The following PYGL variants were observed in gnomAD, a reference collection of about 807,000 sequenced individuals.
PYGL encodes glycogen phosphorylase, liver form.
Under a neutral mutation model 100.1 loss-of-function variants are expected in PYGL, and 90 were observed. That is an observed-to-expected ratio of 0.90 (90% CI 0.76 to 1.07). PYGL has a LOEUF of 1.07. Ranked by LOEUF, PYGL falls within the 50% of genes least tolerant of loss-of-function variation. PYGL has a pLI of 0.00. For synonymous variants in PYGL, 373 were observed against 393.0 expected (o/e 0.95, Z 0.60); for missense variants, 1,016 against 1,057.6 (o/e 0.96, Z 0.55).
intron 5 of PYGL, among the ~76,000 whole-genome samples, chr14:50,922,638 T>A (rs1342942648): frequency 6.6e-6 from 1 of 152,184 alleles, no homozygotes; most frequent in Non-Finnish European, 1.5e-5. Context: ...CTGCGCTCTC[T>A]GGGACACTCC....
At chr14:50,913,190 C>A in intron 12 of PYGL, 60 bp from the exon 13 acceptor site, 1 of 1,340,486 alleles carries the variant, frequency 7.5e-7, no homozygotes, top group Non-Finnish European at 1.1e-6. Context: ...TCCAAATGGG[C>A]AGTTTCTGTC....
chr14:50,934,276 A>G (rs370846545), intron 3 of PYGL, among the ~76,000 whole-genome samples: 1 of 152,232 alleles, frequency 6.6e-6, no homozygotes, highest in East Asian at 1.9e-4. Context: ...TCAATCAAGC[A>G]GTCAAGTGCA....
chr14:50,926,947 T>G (rs1387967411), intron 4 of PYGL, among the ~76,000 whole-genome samples: 1 of 152,146 alleles, frequency 6.6e-6, no homozygotes, highest in Non-Finnish European at 1.5e-5. Flanking sequence ...TAGGCCTGTT[T>G]GCCTCATTTC....
chr14:50,914,496 CAATAAT>C (rs58316457), intron 12 of PYGL, among the ~76,000 whole-genome samples, 199 bp downstream of exon 12: 2 of 148,484 alleles, frequency 1.3e-5, no homozygotes, highest in African/African-American at 2.5e-5. Flanking sequence ...AACTCTGTCT[CAATAAT>C]AATAATAATA....
Position 50,911,868 on chromosome 14 carries a change from C to T in PYGL, c.1831G>A (p.Ala611Thr), listed in dbSNP as rs767847163. Residue 611 changes from alanine to threonine, a missense_variant, in exon 16 of 20, where the codon GCC becomes ACC. Transcript: ENST00000216392. The stretch of plus-strand genomic sequence containing the variant: ...ATTTTGGCCATGTGATATCCTGGGG[C>T]AGCCTTTGGGGAAGAAGGTCAAACG... The part of the protein sequence containing the change: ...PRTVIIGGKA[A>T]PGYHMAKMII... 2 of 1,577,198 alleles carry T rather than the reference C, an allele frequency of 1.3e-6. No individual in the cohort carries two copies. The highest frequency in any genetic ancestry group is 3.5e-5 in the African/African-American group (2 of 56,480).
intron 7 of PYGL, among the ~76,000 whole-genome samples, chr14:50,917,803 G>A (rs1221220043): frequency 2.0e-5 from 3 of 152,136 alleles, no homozygotes; most frequent in Admixed American, 6.5e-5. Context: ...ATTTGCTGTC[G>A]GTCACCTCAA....
chr14:50,908,119 GTTGT>G (rs915944672), intron 19 of PYGL, 148 bp downstream of exon 19: 34 of 590,086 alleles, frequency 5.8e-5, no homozygotes, highest in Admixed American at 2.5e-4. Context: ...TTTTGTTGTG[GTTGT>G]TTGTTTGTTT....
chr14:50,933,939 GATCTAGCTAGGAAAGTAC>G (rs1186248449), intron 3 of PYGL, among the ~76,000 whole-genome samples: 3 of 152,082 alleles, frequency 2.0e-5, no homozygotes, highest in Non-Finnish European at 4.4e-5. Flanking sequence ...TTAATTTGGA[GATCTAGCTAGGAAAGTAC>G]ATCTAGGTCA....
intron 19 of PYGL, among the ~76,000 whole-genome samples, chr14:50,906,936 G>A (rs1199601405): frequency 6.6e-6 from 1 of 152,206 alleles, no homozygotes; most frequent in Non-Finnish European, 1.5e-5. Context: ...GGGACATTTA[G>A]GATGACAGTA....
chr14:50,909,190 A>G (rs935950396), intron 17 of PYGL, among the ~76,000 whole-genome samples: 9 of 152,246 alleles, frequency 5.9e-5, no homozygotes, highest in Non-Finnish European at 1.0e-4. Flanking sequence ...ATAGATAATG[A>G]AAACTCTAGT....
chr14:50,923,015 T>A (rs1270533477), intron 5 of PYGL, among the ~76,000 whole-genome samples: 1 of 152,260 alleles, frequency 6.6e-6, no homozygotes, highest in African/African-American at 2.4e-5. Flanking sequence ...CTGACATCAC[T>A]GGGTACCAGT....
intron 10 of PYGL, 49 bp from the exon 11 acceptor site, chr14:50,915,548 A>C (rs1255084010): frequency 1.9e-6 from 3 of 1,605,034 alleles, no homozygotes; most frequent in Non-Finnish European, 2.6e-6. Context: ...GTTTAATGCA[A>C]CATTGGGATA....
At chr14:50,939,036 ATTT>A (rs1187464878) in intron 1 of PYGL, among the ~76,000 whole-genome samples, 6 of 152,094 alleles carry the variant, frequency 3.9e-5, no homozygotes, top group African/African-American at 7.2e-5. Flanking sequence ...TAATTAATTT[ATTT>A]ATTTATTGAT....
chr14:50,915,227 A>C (rs2050435163), intron 11 of PYGL, 109 bp downstream of exon 11: 1 of 1,333,248 alleles, frequency 7.5e-7, no homozygotes, highest in Non-Finnish European at 1.1e-6. Context: ...AATACTTTTA[A>C]ACATTTGAAC....
intron 5 of PYGL, among the ~76,000 whole-genome samples, chr14:50,922,797 G>T (rs1424709700): frequency 6.6e-6 from 1 of 152,104 alleles, no homozygotes; most frequent in Non-Finnish European, 1.5e-5. Flanking sequence ...TTCACAGGTG[G>T]CACACCTGTG....
Position 50,944,390 on chromosome 14 carries a change from A to G in PYGL, c.14T>C (p.Leu5Pro). ...CTGCCGCCGCTTCTCCTGGTCCGTCAGGGGCTTCGCCATGGCTGGGGCGGC... is the reference window on the plus strand; with the variant it reads ...CTGCCGCCGCTTCTCCTGGTCCGTCGGGGGCTTCGCCATGGCTGGGGCGGC... MAKPLTDQEKRRQIS... is the reference protein window; with the variant it reads MAKPPTDQEKRRQIS... The change falls in exon 1 of 20, where the codon CTG (leucine) becomes CCG (proline). Residue 5 changes from leucine to proline, a missense_variant. By Grantham distance (98) the Leu-to-Pro change is moderately conservative. Coordinates refer to ENST00000216392, the MANE Select transcript of PYGL (RefSeq NM_002863.5). 1.9e-6 allele frequency: 3 copies of G among 1,612,068 alleles called. No individual in the cohort carries two copies. Among genetic ancestry groups the G allele is most frequent in the African/African-American group, 1.3e-5 (1 of 75,026 alleles).
At chr14:50,935,017 C>T (rs1246164898) in intron 3 of PYGL, 90 bp downstream of exon 3, 5 of 1,247,786 alleles carry the variant, frequency 4.0e-6, no homozygotes, top group Non-Finnish European at 5.9e-6. Context: ...TTCTAGGAAG[C>T]CTGCCTGGTT....
intron 7 of PYGL, among the ~76,000 whole-genome samples, chr14:50,917,737 G>C (rs972410266): frequency 2.0e-5 from 3 of 152,230 alleles, no homozygotes; most frequent in African/African-American, 7.2e-5. Context: ...ATGGTGTGCA[G>C]GGTGGAGGCC....
At position 50,912,195 on chromosome 14, in the gene PYGL, G is replaced by A. The variant is rs149096315; in HGVS notation, c.1729C>T (p.Gln577Ter). The A allele has an allele frequency of 1.5e-4, 235 of 1,614,082 alleles. No homozygotes were observed. The highest frequency in any genetic ancestry group is 1.8e-4 in the Non-Finnish European group (216 of 1,180,048). The change falls in exon 14 of 20, where the codon CAG (glutamine) becomes TAG (stop). Residue 577 changes from glutamine to a stop codon, truncating the protein, a stop_gained. Transcript: ENST00000216392. LOFTEE classifies it high-confidence loss of function. ...QVKRIHEYKR[Q>*]LLNCLHVITM... is the part of the protein sequence containing the mutation. ...ATCACATGCAGACAGTTCAAGAGCTGTCGCTTGTACTCATGTATCCTCTTC... is the reference window on the plus strand; with the variant it reads ...ATCACATGCAGACAGTTCAAGAGCTATCGCTTGTACTCATGTATCCTCTTC...
Sources: allele counts gnomAD v4.1 joint callset (sites outside exome capture counted in the v4.1 genomes callset), GRCh38; gene constraint gnomAD v4.1.1; transcripts MANE v1.5; gene names NCBI Gene and HGNC (gene_info 2026-07-23, HGNC 2026-07-21).